Variants in FNDC3B observed in about 807,000 individuals in gnomAD.
FNDC3B encodes fibronectin type III domain containing 3B, also known as fibronectin type III domain-containing protein 3B.
Under a neutral mutation model 151.5 loss-of-function variants are expected in FNDC3B, and 12 were observed. That is an observed-to-expected ratio of 0.08 (90% CI 0.05 to 0.13). FNDC3B has a LOEUF of 0.13. FNDC3B is among the 10% of genes least tolerant of loss of function. FNDC3B has a pLI of 1.00. For synonymous variants in FNDC3B, 528 were observed against 549.0 expected (o/e 0.96, Z 0.54); for missense variants, 1,214 against 1,505.3 (o/e 0.81, Z 3.20).
intron 3 of FNDC3B, among the ~76,000 whole-genome samples, chr3:172,208,600 C>G (rs987189325): frequency 6.6e-6 from 1 of 152,088 alleles, no homozygotes; most frequent in Non-Finnish European, 1.5e-5. Context: ...TGATCAAATT[C>G]AGTTACTGTT....
intron 20 of FNDC3B, among the ~76,000 whole-genome samples, chr3:172,346,661 T>A (rs547194590): frequency 6.6e-6 from 1 of 152,110 alleles, no homozygotes; most frequent in South Asian, 2.1e-4. Context: ...AGGAAATGGT[T>A]TCTCATGCCT....
intron 14 of FNDC3B, among the ~76,000 whole-genome samples, chr3:172,333,580 G>A (rs774713309): frequency 6.9e-6 from 1 of 144,676 alleles, no homozygotes; most frequent in East Asian, 2.0e-4. Flanking sequence ...TCCTGACCTC[G>A]TGATCCACCT....
intron 1 of FNDC3B, among the ~76,000 whole-genome samples, chr3:172,103,346 A>G (rs1719465187): frequency 6.6e-6 from 1 of 151,898 alleles, no homozygotes; most frequent in African/African-American, 2.4e-5. Context: ...TATGGAAGCA[A>G]CCTCTTTATA....
intron 3 of FNDC3B, among the ~76,000 whole-genome samples, chr3:172,188,671 C>G (rs1418725904): frequency 1.3e-5 from 2 of 152,134 alleles, no homozygotes; most frequent in African/African-American, 2.4e-5. Flanking sequence ...TCCCAAAGTG[C>G]TGGGAATACA....
chr3:172,341,267 G>T (rs1460279304), intron 17 of FNDC3B, 36 bp downstream of exon 17: 9 of 1,447,240 alleles, frequency 6.2e-6, no homozygotes, highest in Non-Finnish European at 8.8e-6. Context: ...AAACCTCATT[G>T]ATCAAATTCG....
At chr3:172,176,982 T>C (rs1368752080) in intron 3 of FNDC3B, among the ~76,000 whole-genome samples, 1 of 152,122 alleles carries the variant, frequency 6.6e-6, no homozygotes, top group East Asian at 1.9e-4. Context: ...GTAAGGGGGC[T>C]TCTGACTCAA....
At chr3:172,183,703 T>A (rs1009346038) in intron 3 of FNDC3B, among the ~76,000 whole-genome samples, 4 of 152,230 alleles carry the variant, frequency 2.6e-5, no homozygotes, top group Non-Finnish European at 5.9e-5. Flanking sequence ...GAAGTATTAT[T>A]AAATTCAACT....
At chr3:172,215,593 A>G (rs1725938205) in intron 3 of FNDC3B, among the ~76,000 whole-genome samples, 1 of 152,136 alleles carries the variant, frequency 6.6e-6, no homozygotes. Context: ...GCATGGTGGC[A>G]GACACCTGTA....
At chr3:172,114,066 G>C (rs1485436054) in intron 2 of FNDC3B, among the ~76,000 whole-genome samples, 1 of 152,180 alleles carries the variant, frequency 6.6e-6, no homozygotes, top group African/African-American at 2.4e-5. Flanking sequence ...CATAGATCCT[G>C]AGGGGTCTTT....
In FNDC3B at chr3:172,251,520, T is replaced by C; in HGVS notation, c.769T>C (p.Ser257Pro). The change falls in exon 6 of 26, where the codon TCG becomes CCG. Residue 257 changes from serine (S) to proline (P), a missense_variant. Ser to Pro is a moderately conservative substitution (Grantham distance 74, BLOSUM62 -1). This residue lies in a region of FNDC3B where 166 missense variants were observed against 173.2 expected (regional missense o/e 0.96). Coordinates refer to ENST00000415807, the MANE Select transcript of FNDC3B (RefSeq NM_022763.4). ...GCGACGAGCAAGAAGCAGCCCAAAG[T>C]CGAATGATTCAGACTTGCAAGGTAA... is the stretch of plus-strand genomic sequence containing the variant. ...TERRARSSPK[S>P]NDSDLQEYEL... The C allele has an allele frequency of 6.2e-7, 1 of 1,613,216 alleles. No individual in the cohort carries two copies. Among genetic ancestry groups the C allele is most frequent in the African/African-American group, 1.3e-5 (1 of 75,008 alleles).
At chr3:172,241,485 A>G (rs1217797273) in intron 4 of FNDC3B, among the ~76,000 whole-genome samples, 1 of 152,190 alleles carries the variant, frequency 6.6e-6, no homozygotes, top group Non-Finnish European at 1.5e-5. Flanking sequence ...TCAGACTTAC[A>G]GTTCCACATG....
intron 2 of FNDC3B, among the ~76,000 whole-genome samples, chr3:172,120,905 A>G (rs949123329): frequency 6.6e-6 from 1 of 151,892 alleles, no homozygotes; most frequent in Non-Finnish European, 1.5e-5. Context: ...CGGAGGTTGC[A>G]GTGAGCCGAG....
At chr3:172,168,611 A>T (rs1302516123) in intron 3 of FNDC3B, among the ~76,000 whole-genome samples, 2 of 151,950 alleles carry the variant, frequency 1.3e-5, no homozygotes, top group African/African-American at 4.8e-5. Context: ...GATAATATAT[A>T]CTCATCACTT....
chr3:172,061,037 T>C (rs1717170059), intron 1 of FNDC3B, among the ~76,000 whole-genome samples: 1 of 152,152 alleles, frequency 6.6e-6, no homozygotes, highest in Non-Finnish European at 1.5e-5. Context: ...GAAGGCAGTG[T>C]TTCTATACCT....
intron 1 of FNDC3B, among the ~76,000 whole-genome samples, chr3:172,051,965 T>G (rs1716674939): frequency 6.6e-6 from 1 of 152,248 alleles, no homozygotes; most frequent in South Asian, 2.1e-4. Flanking sequence ...ACATTTTGTT[T>G]GTTTATTGGA....
At chr3:172,144,150 G>A (rs1448936455) in intron 3 of FNDC3B, among the ~76,000 whole-genome samples, 2 of 152,090 alleles carry the variant, frequency 1.3e-5, no homozygotes, top group African/African-American at 4.8e-5. Flanking sequence ...GGGAGCCAGC[G>A]TGTCACATGG....
At chr3:172,331,830 G>A (rs1328081128) in intron 13 of FNDC3B, among the ~76,000 whole-genome samples, 1 of 152,144 alleles carries the variant, frequency 6.6e-6, no homozygotes, top group African/African-American at 2.4e-5. Context: ...TGATCACACT[G>A]TAGAACAGCA....
chr3:172,241,247 G>C lies in FNDC3B; in HGVS notation c.265-6286G>C, dbSNP rs559121904. On this transcript the variant is annotated intron_variant, in intron 4 of 25. Coordinates refer to ENST00000415807, the MANE Select transcript of FNDC3B (RefSeq NM_022763.4). ...TAATCTAAGGGGGTGTATTAGTTTA[G>C]TAGGGCTACCATAACAGAATACCAC... Among the ~76,000 whole-genome samples the C allele has an allele frequency of 4.6e-5, 7 of 152,288 alleles. No individual in the cohort carries two copies. The South Asian group carries it at 1.5e-3, about 32-fold the overall frequency.
chr3:172,055,622 TTTTGGGTCTGAAGTG>T (rs1716876729), intron 1 of FNDC3B, among the ~76,000 whole-genome samples: 1 of 152,066 alleles, frequency 6.6e-6, no homozygotes, highest in Non-Finnish European at 1.5e-5. Context: ...TTTAGTGTGA[TTTTGGGTCTGAAGTG>T]TTTGCCATTA....
Sources: gnomAD v4.1 joint callset for allele counts (sites outside exome capture counted in the v4.1 genomes callset) on GRCh38, gnomAD v4.1.1 for gene constraint, gnomAD v4.1.1 regional missense constraint, MANE v1.5 for transcripts, NCBI Gene and HGNC (gene_info 2026-07-23, HGNC 2026-07-21) for gene names.